The following GALNT2 variants were observed in gnomAD, a reference collection of about 807,000 sequenced individuals.
GALNT2 encodes the protein polypeptide N-acetylgalactosaminyltransferase 2.
GALNT2 carries 31 observed loss-of-function variants against 81.4 expected under a neutral mutation model. That is an observed-to-expected ratio of 0.38 (90% CI 0.29 to 0.51). The LOEUF (loss-of-function observed/expected upper bound fraction) is 0.51. Among genes scored for constraint, GALNT2 ranks in the 20% least tolerant of loss-of-function variants. The pLI, the probability that GALNT2 is intolerant of heterozygous loss-of-function variation, is 0.87. For missense variants in GALNT2, 629 were observed against 765.7 expected (o/e 0.82, Z 2.11); for synonymous variants, 303 against 287.4 (o/e 1.05, Z -0.55).
intron 1 of GALNT2, chr1:230,058,104 C>T: frequency 4.4e-6 from 2 of 456,250 alleles, no homozygotes; most frequent in Middle Eastern, 3.3e-4. Context: ...CACTAAAGTA[C>T]ACGTATGTCC....
intron 1 of GALNT2, among the ~76,000 whole-genome samples, chr1:230,127,740 ATCC>A (rs56843721): frequency 0.25 from 38,247 of 151,474 alleles, 5,146 homozygotes; most frequent in East Asian, 0.4. Flanking sequence ...GGTTGCTGTA[ATCC>A]TCCTCAGTGA....
At chr1:230,185,132 T>C (rs774273871) in intron 2 of GALNT2, among the ~76,000 whole-genome samples, 22 of 152,206 alleles carry the variant, frequency 1.4e-4, no homozygotes, top group Non-Finnish European at 2.8e-4. Context: ...TCTGTTCTTG[T>C]GTGTTACCTA....
chr1:230,240,489 G>C (rs189663948), intron 6 of GALNT2, among the ~76,000 whole-genome samples: 1 of 152,322 alleles, frequency 6.6e-6, no homozygotes, highest in Non-Finnish European at 1.5e-5. Context: ...CTACTCGGGA[G>C]ACTGAGGCAG....
chr1:230,245,977 C>A, intron 7 of GALNT2, 86 bp from the exon 8 acceptor site: 2 of 1,143,486 alleles, frequency 1.7e-6, no homozygotes, highest in Non-Finnish European at 2.7e-6. Context: ...TTGCCCTGTG[C>A]CTGCCTAATA....
chr1:230,161,411 G>A (rs1662432352), intron 1 of GALNT2, among the ~76,000 whole-genome samples: 1 of 152,166 alleles, frequency 6.6e-6, no homozygotes, highest in Admixed American at 6.5e-5. Context: ...GCATCCAATT[G>A]GCCAAAGCAA....
chr1:230,174,701 C>T (rs936584529), intron 1 of GALNT2, among the ~76,000 whole-genome samples: 3 of 152,156 alleles, frequency 2.0e-5, no homozygotes, highest in Non-Finnish European at 4.4e-5. Flanking sequence ...GCCATCTTCC[C>T]ATTGCTGCAT....
At chr1:230,247,103 C>T (rs1001074893) in intron 8 of GALNT2, among the ~76,000 whole-genome samples, 12 of 151,074 alleles carry the variant, frequency 7.9e-5, no homozygotes, top group African/African-American at 2.9e-4. Context: ...AAATTAGCTG[C>T]GTGTGATGGC....
intron 3 of GALNT2, among the ~76,000 whole-genome samples, chr1:230,221,165 C>T (rs1664535082): frequency 6.7e-6 from 1 of 148,858 alleles, no homozygotes; most frequent in Non-Finnish European, 1.5e-5. Context: ...TTGCTGTTTG[C>T]CTGCCTACTT....
At chr1:230,087,032 C>T (rs542038728) in intron 1 of GALNT2, among the ~76,000 whole-genome samples, 2 of 152,196 alleles carry the variant, frequency 1.3e-5, no homozygotes, top group Non-Finnish European at 2.9e-5. Context: ...ACACCAGGCA[C>T]GTAGGGAGAA....
At chr1:230,179,902 T>C (rs1456299428) in intron 2 of GALNT2, among the ~76,000 whole-genome samples, 2 of 152,214 alleles carry the variant, frequency 1.3e-5, no homozygotes, top group Admixed American at 6.5e-5. Context: ...TTATCTTCTA[T>C]GAGTTTTATA....
intron 1 of GALNT2, among the ~76,000 whole-genome samples, chr1:230,093,484 A>G (rs1455050494): frequency 6.6e-6 from 1 of 152,202 alleles, no homozygotes; most frequent in Non-Finnish European, 1.5e-5. Flanking sequence ...GGCCAAGGGT[A>G]AAACTAGATC....
chr1:230,264,638 A>G (rs1378540857), intron 13 of GALNT2: 2 of 152,438 alleles, frequency 1.3e-5, no homozygotes, highest in African/African-American at 2.4e-5. Context: ...GAAATGTTCT[A>G]TGTAACACTT....
intron 1 of GALNT2, among the ~76,000 whole-genome samples, chr1:230,083,443 G>A (rs1056690619): frequency 6.6e-6 from 1 of 151,636 alleles, no homozygotes; most frequent in Non-Finnish European, 1.5e-5. Context: ...GATGGAGCAG[G>A]GAGCTGGGAT....
intron 3 of GALNT2, among the ~76,000 whole-genome samples, chr1:230,225,318 A>G (rs897197938): frequency 6.6e-6 from 1 of 152,316 alleles, no homozygotes; most frequent in Admixed American, 6.5e-5. Context: ...ATAGCAACAC[A>G]TCTTGAAAAT....
At chr1:230,160,316 C>T (rs1313438123) in intron 1 of GALNT2, among the ~76,000 whole-genome samples, 4 of 152,166 alleles carry the variant, frequency 2.6e-5, no homozygotes, top group Admixed American at 6.5e-5. Flanking sequence ...ATTCTGTAGG[C>T]GAGAGTGAGC....
At chr1:230,277,574 C>G (rs1666334174) in intron 15 of GALNT2, among the ~76,000 whole-genome samples, 1 of 152,222 alleles carries the variant, frequency 6.6e-6, no homozygotes, top group Non-Finnish European at 1.5e-5. Context: ...CAATGACAGG[C>G]ACTTAGCAAA....
chr1:230,203,373 C>G, intron 3 of GALNT2, 83 bp downstream of exon 3: 1 of 1,456,736 alleles, frequency 6.9e-7, no homozygotes, highest in Middle Eastern at 2.0e-4. Flanking sequence ...GACACTAGAA[C>G]TTCTCCATTA....
intron 1 of GALNT2, among the ~76,000 whole-genome samples, chr1:230,139,133 T>G (rs1203893374): frequency 6.6e-6 from 1 of 152,244 alleles, no homozygotes; most frequent in African/African-American, 2.4e-5. Context: ...TTTTTCTAGC[T>G]GCTACTTCCT....
chr1:230,152,781 C>T (rs1662131688), intron 1 of GALNT2, among the ~76,000 whole-genome samples: 1 of 152,244 alleles, frequency 6.6e-6, no homozygotes, highest in Non-Finnish European at 1.5e-5. Context: ...CCTCTTTGAA[C>T]CGCTTGTCAT....
Sources: gnomAD v4.1 joint callset for allele counts (sites outside exome capture counted in the v4.1 genomes callset) on GRCh38, gnomAD v4.1.1 for gene constraint, MANE v1.5 for transcripts, NCBI Gene and HGNC (gene_info 2026-07-23, HGNC 2026-07-21) for gene names.